The following APLF variants were observed in gnomAD, a reference collection of about 807,000 sequenced individuals.
The protein encoded by APLF is aprataxin and PNKP like factor, also known as aprataxin and PNK-like factor.
A neutral mutation model predicts 55.6 loss-of-function variants in APLF; 61 were observed. That is an observed-to-expected ratio of 1.10 (90% CI 0.89 to 1.36). The LOEUF (loss-of-function observed/expected upper bound fraction) is 1.36, where lower values mean the gene tolerates loss of function less well. Among genes scored for constraint, APLF ranks in the 40% most tolerant of loss-of-function variants. The probability of loss-of-function intolerance (pLI) is 0.00; values close to 1 mark genes in which losing one functional copy is unlikely to be tolerated. For synonymous variants in APLF, 207 were observed against 214.8 expected (o/e 0.96, Z 0.32); for missense variants, 611 against 602.5 (o/e 1.01, Z -0.15).
intron 2 of APLF, among the ~76,000 whole-genome samples, chr2:68,493,835 G>A (rs534069511): frequency 4.0e-4 from 61 of 152,198 alleles, no homozygotes; most frequent in East Asian, 2.5e-3. Context: ...GTGGCCAGGC[G>A]CGGTGGCTCA....
At chr2:68,510,214 T>C (rs987574578) in intron 3 of APLF, among the ~76,000 whole-genome samples, 3 of 151,604 alleles carry the variant, frequency 2.0e-5, no homozygotes, top group Non-Finnish European at 2.9e-5. Flanking sequence ...ACTTAAAGTA[T>C]AATAAAAAAA....
chr2:68,503,360 A>G (rs900725130), intron 3 of APLF, among the ~76,000 whole-genome samples: 1 of 152,176 alleles, frequency 6.6e-6, no homozygotes, highest in African/African-American at 2.4e-5. Context: ...GAAATGAGGT[A>G]TTAGAATAAA....
At chr2:68,526,040 C>A (rs902273282) in intron 5 of APLF, 21 bp from the exon 6 acceptor site, 1 of 1,569,036 alleles carries the variant, frequency 6.4e-7, no homozygotes, top group African/African-American at 1.4e-5. Flanking sequence ...TAATTTTCTT[C>A]TTTTTCTTTA....
At chr2:68,480,374 G>A (rs1053056400) in intron 1 of APLF, among the ~76,000 whole-genome samples, 14 of 150,708 alleles carry the variant, frequency 9.3e-5, no homozygotes, top group Admixed American at 4.0e-4. Flanking sequence ...GCATGATCTC[G>A]GCTCACTGCA....
intron 2 of APLF, among the ~76,000 whole-genome samples, chr2:68,501,604 G>GT (rs1676724887): frequency 6.6e-6 from 1 of 151,914 alleles, no homozygotes; most frequent in Non-Finnish European, 1.5e-5. Context: ...GGTCCTTTTT[G>GT]TTTTTTGAAG....
chr2:68,532,486 G>T (rs1308145141), intron 6 of APLF, among the ~76,000 whole-genome samples: 3 of 152,016 alleles, frequency 2.0e-5, no homozygotes, highest in Admixed American at 1.3e-4. Flanking sequence ...AGCTACTGTT[G>T]TATCATCATT....
At position 68,484,572 on chromosome 2, in the gene APLF, A is replaced by G. The variant is rs375060659; in HGVS notation, c.97-5618A>G. ...CCGGACATGGTGGCGCATGCCTGTAATCCCAGCTACCCGGGAGGCTGAGGC... is the reference window on the plus strand; with the variant it reads ...CCGGACATGGTGGCGCATGCCTGTAGTCCCAGCTACCCGGGAGGCTGAGGC... On this transcript the variant is annotated intron_variant, in intron 1 of 9. Transcript: ENST00000303795. Among the ~76,000 whole-genome samples, 326 of 152,076 alleles carry G rather than the reference A, an allele frequency of 2.1e-3. 3 individuals are homozygous for G. The highest frequency in any genetic ancestry group is 7.5e-3 in the African/African-American group (310 of 41,442).
intron 1 of APLF, among the ~76,000 whole-genome samples, chr2:68,482,812 C>T (rs1676004529): frequency 6.6e-6 from 1 of 152,068 alleles, no homozygotes; most frequent in African/African-American, 2.4e-5. Context: ...TGGTGGCATG[C>T]CCACTGGGGG....
chr2:68,524,153 G>A (rs1669969091), intron 5 of APLF, among the ~76,000 whole-genome samples: 1 of 152,060 alleles, frequency 6.6e-6, no homozygotes, highest in African/African-American at 2.4e-5. Context: ...AACTGTTACA[G>A]CATTTGGTCA....
intron 3 of APLF, among the ~76,000 whole-genome samples, chr2:68,505,743 C>A (rs1573188520): frequency 6.6e-6 from 1 of 151,982 alleles, no homozygotes; most frequent in East Asian, 1.9e-4. Context: ...TGGGGTACAC[C>A]ACTCTCCCAG....
chr2:68,500,169 T>A (rs1398816345), intron 2 of APLF, among the ~76,000 whole-genome samples: 2 of 152,200 alleles, frequency 1.3e-5, no homozygotes, highest in African/African-American at 4.8e-5. Context: ...GTATATGTAG[T>A]TTGACATTGA....
chr2:68,573,580 GGAGAATCGTT>G (rs1383300369), intron 9 of APLF, among the ~76,000 whole-genome samples: 1 of 151,680 alleles, frequency 6.6e-6, no homozygotes, highest in African/African-American at 2.4e-5. Context: ...GGCTGAGGCA[GGAGAATCGTT>G]TGAACCCGGG....
intron 1 of APLF, among the ~76,000 whole-genome samples, chr2:68,474,215 T>C (rs1330232381): frequency 6.6e-6 from 1 of 152,272 alleles, no homozygotes; most frequent in Non-Finnish European, 1.5e-5. Context: ...GTTTGGAAGC[T>C]TTCCTAACCC....
At chr2:68,470,332 G>A (rs944635997) in intron 1 of APLF, among the ~76,000 whole-genome samples, 9 of 152,204 alleles carry the variant, frequency 5.9e-5, no homozygotes, top group African/African-American at 2.2e-4. Context: ...GGGCAGAAGG[G>A]AATGGATATG....
At chr2:68,487,282 C>T (rs1676214425) in intron 1 of APLF, among the ~76,000 whole-genome samples, 1 of 152,040 alleles carries the variant, frequency 6.6e-6, no homozygotes, top group South Asian at 2.1e-4. Flanking sequence ...GACAGTTAAA[C>T]TGGGTAAATC....
At chr2:68,557,172 A>G (rs1187490668) in intron 8 of APLF, among the ~76,000 whole-genome samples, 5 of 152,168 alleles carry the variant, frequency 3.3e-5, no homozygotes, top group Admixed American at 6.6e-5. Flanking sequence ...ATAGTATAGT[A>G]TTTGCATATA....
At chr2:68,484,691 GA>G (rs557801391) in intron 1 of APLF, among the ~76,000 whole-genome samples, 313 of 115,080 alleles carry the variant, frequency 2.7e-3, no homozygotes, top group Middle Eastern at 5.7e-3. Flanking sequence ...AGCTTAGTCT[GA>G]AAAAAAAAAA....
intron 7 of APLF, among the ~76,000 whole-genome samples, chr2:68,543,356 A>T (rs1670610484): frequency 6.6e-6 from 1 of 152,162 alleles, no homozygotes; most frequent in African/African-American, 2.4e-5. Context: ...AGCACAGTTT[A>T]AAAAAAGCAG....
intron 5 of APLF, among the ~76,000 whole-genome samples, chr2:68,521,497 T>C (rs893412742): frequency 2.6e-5 from 4 of 151,906 alleles, no homozygotes; most frequent in Non-Finnish European, 4.4e-5. Flanking sequence ...TTCTTAGGCC[T>C]GGGCTAAATT....
Sources: gnomAD v4.1 joint callset for allele counts (sites outside exome capture counted in the v4.1 genomes callset) on GRCh38, gnomAD v4.1.1 for gene constraint, MANE v1.5 for transcripts, NCBI Gene and HGNC (gene_info 2026-07-23, HGNC 2026-07-21) for gene names.